ADGRL2: variants seen among roughly 807,000 people sequenced by gnomAD.
ADGRL2 encodes calcium-independent alpha-latrotoxin receptor 2.
ADGRL2 carries 44 observed loss-of-function variants against 157.4 expected under a neutral mutation model. The ratio of observed to expected loss-of-function variants is 0.28; its 90% CI spans 0.22 to 0.36. ADGRL2 has a LOEUF of 0.36. Ranked by LOEUF, ADGRL2 falls within the 10% of genes least tolerant of loss-of-function variation. ADGRL2 has a pLI of 1.00. For synonymous variants in ADGRL2, 585 were observed against 624.7 expected, an observed-to-expected ratio of 0.94 and a Z score of 0.95; for missense variants, 1,510 against 1,768.9, an observed-to-expected ratio of 0.85 and a Z score of 2.63.
upstream of ADGRL2, among the ~76,000 whole-genome samples, chr1:81,696,701 A>G (rs567167144): frequency 4.3e-4 from 65 of 152,206 alleles, no homozygotes; most frequent in East Asian, 2.7e-3. Context: ...GCAGTGAGCC[A>G]AGATCACACC....
chr1:81,516,963 C>T (rs764343028), intron 2 of ADGRL2, among the ~76,000 whole-genome samples: 2 of 151,986 alleles, frequency 1.3e-5, no homozygotes, highest in Non-Finnish European at 2.9e-5. Context: ...ATAGTAAATA[C>T]TTTAGCTTTT....
At chr1:81,479,057 T>C (rs751457048) in intron 2 of ADGRL2, among the ~76,000 whole-genome samples, 2 of 152,210 alleles carry the variant, frequency 1.3e-5, no homozygotes, top group Non-Finnish European at 2.9e-5. Context: ...ATATATTGTG[T>C]TTGAAAGTAT....
chr1:81,585,144 A>T (rs1293779676), intron 3 of ADGRL2, among the ~76,000 whole-genome samples: 1 of 152,172 alleles, frequency 6.6e-6, no homozygotes, highest in Admixed American at 6.6e-5. Flanking sequence ...CACTATTGTT[A>T]TTGCTACAAG....
At chr1:81,834,834 G>T (rs750823) in intron 1 of ADGRL2, among the ~76,000 whole-genome samples, 60,642 of 151,896 alleles carry the variant, frequency 0.4, 12,612 homozygotes, top group Middle Eastern at 0.6. Context: ...ATAATTGAAT[G>T]ATATGTATTT....
chr1:81,942,092 T>C (rs1648221888), intron 5 of ADGRL2, 47 bp downstream of exon 5: 1 of 730,164 alleles, frequency 1.4e-6, no homozygotes, highest in Non-Finnish European at 2.5e-6. Flanking sequence ...ATGTGCCTTA[T>C]GGATGTTAAC....
intron 1 of ADGRL2, among the ~76,000 whole-genome samples, chr1:81,385,172 T>C (rs952367800): frequency 5.9e-5 from 9 of 152,156 alleles, no homozygotes; most frequent in Non-Finnish European, 1.2e-4. Flanking sequence ...TTGTCTTTTA[T>C]TATACAGTCA....
intron 2 of ADGRL2, among the ~76,000 whole-genome samples, chr1:81,555,532 G>A (rs1444528209): frequency 6.6e-6 from 1 of 152,044 alleles, no homozygotes; most frequent in African/African-American, 2.4e-5. Flanking sequence ...GCCTCCCAAA[G>A]TGCTGGGATT....
Position 81,557,192 on chromosome 1 carries a change from G to A in ADGRL2, c.-247-23684G>A, listed in dbSNP as rs371397165. 5 of 178,360 alleles carry A rather than the reference G, an allele frequency of 2.8e-5. No individual in the cohort carries two copies. The East Asian group carries it at 7.2e-4, about 26-fold the overall frequency. The allele number at this position is 178,360 out of a possible 1,614,324, so 11.0% of individuals were successfully genotyped here. A position where few individuals can be genotyped will look rare whatever the true frequency, so the allele number is the denominator to read the frequency against. ...AGGCCAAGGAGTCCCGAGGGATACC[G>A]ATGCTGGCCGGCTTTTCAAGCTGAA... On this transcript the variant is annotated intron_variant, in intron 2 of 24. Transcript: ENST00000370721.
At chr1:81,552,778 A>C (rs998592605) in intron 2 of ADGRL2, among the ~76,000 whole-genome samples, 2 of 152,158 alleles carry the variant, frequency 1.3e-5, no homozygotes, top group African/African-American at 4.8e-5. Flanking sequence ...AATCTCAGAC[A>C]TGGTTTTCTT....
At chr1:81,359,508 C>T (rs2075937607) in intron 1 of ADGRL2, among the ~76,000 whole-genome samples, 1 of 152,004 alleles carries the variant, frequency 6.6e-6, no homozygotes, top group Admixed American at 6.6e-5. Context: ...CAACTTGGTA[C>T]TTACTTGGTA....
At position 81,770,185 on chromosome 1, in the gene ADGRL2, C is replaced by A. The variant is rs567034925; in HGVS notation, c.-101+8333C>A. The stretch of plus-strand genomic sequence containing the variant: ...TTTTTTTTTTTTTTTTTTTTTGAGA[C>A]CGAGTCTCACTCTATAGCCCAGGCT... On this transcript the variant is annotated intron_variant, in intron 2 of 20. Coordinates refer to the ADGRL2 transcript ENST00000359929. Among the ~76,000 whole-genome samples, 20 of 107,746 alleles carry A rather than the reference C, an allele frequency of 1.9e-4. 1 individual carries two copies. Among genetic ancestry groups the A allele is most frequent in the African/African-American group, 6.7e-4 (18 of 26,760 alleles). The allele number at this position is 107,746 out of a possible 152,430, so 70.7% of individuals were successfully genotyped here.
At chr1:81,329,831 G>A (rs958612046) in intron 1 of ADGRL2, among the ~76,000 whole-genome samples, 4 of 152,058 alleles carry the variant, frequency 2.6e-5, no homozygotes, top group Non-Finnish European at 4.4e-5. Context: ...ACTATAAAAT[G>A]TCCCTATTCT....
At chr1:81,323,568 T>A (rs1451437127) in intron 1 of ADGRL2, among the ~76,000 whole-genome samples, 1 of 152,108 alleles carries the variant, frequency 6.6e-6, no homozygotes, top group East Asian at 1.9e-4. Context: ...ATTGGTGTTT[T>A]ATCATTTTGT....
chr1:81,341,461 T>C (rs983510641), intron 1 of ADGRL2, among the ~76,000 whole-genome samples: 2 of 152,076 alleles, frequency 1.3e-5, no homozygotes, highest in African/African-American at 4.8e-5. Context: ...TTTTTTTTGT[T>C]TTTTTATGTA....
rs1381362955 is a variant in ADGRL2 at position 81,992,502 on chromosome 1, T to C, written c.*1357T>C. ...CATTCCCACCTTGGTTTAAGTAACGTCATACCAAAGTCCATGGATATATGA... is the reference window on the plus strand; with the variant it reads ...CATTCCCACCTTGGTTTAAGTAACGCCATACCAAAGTCCATGGATATATGA... On this transcript the variant is annotated 3_prime_UTR_variant, in exon 24 of 24. Coordinates refer to ENST00000686636, the MANE Select transcript of ADGRL2 (RefSeq NM_001366006.2). The C allele has an allele frequency of 2.0e-5, 3 of 152,556 alleles. No homozygotes were observed. Among genetic ancestry groups the C allele is most frequent in the Non-Finnish European group, 4.4e-5 (3 of 68,040 alleles). The allele number at this position is 152,556 out of a possible 1,614,324, so 9.5% of individuals were successfully genotyped here. A position where few individuals can be genotyped will look rare whatever the true frequency, so the allele number is the denominator to read the frequency against.
chr1:81,315,810 T>C (rs1433540405), intron 1 of ADGRL2, among the ~76,000 whole-genome samples: 1 of 152,074 alleles, frequency 6.6e-6, no homozygotes, highest in Non-Finnish European at 1.5e-5. Flanking sequence ...AATATGTCTG[T>C]CTGAAAGTAA....
intron 1 of ADGRL2, among the ~76,000 whole-genome samples, chr1:81,368,443 G>A (rs901947579): frequency 6.6e-6 from 1 of 152,116 alleles, no homozygotes; most frequent in East Asian, 1.9e-4. Context: ...AAAAGTGTTA[G>A]CTATCTCTAC....
At chr1:81,309,796 C>CCT (rs1659615470) in intron 1 of ADGRL2, among the ~76,000 whole-genome samples, 2 of 152,064 alleles carry the variant, frequency 1.3e-5, no homozygotes, top group African/African-American at 4.8e-5. Flanking sequence ...GCCACCACTC[C>CCT]CCACCTTGTT....
At chr1:81,973,011 T>G (rs1659199985) in intron 17 of ADGRL2, among the ~76,000 whole-genome samples, 1 of 152,128 alleles carries the variant, frequency 6.6e-6, no homozygotes, top group African/African-American at 2.4e-5. Flanking sequence ...TTAAGAAGTT[T>G]TTCTTACTTT....
Sources: gnomAD v4.1 joint callset for allele counts (sites outside exome capture counted in the v4.1 genomes callset) on GRCh38, gnomAD v4.1.1 for gene constraint, MANE v1.5 for transcripts, NCBI Gene and HGNC (gene_info 2026-07-23, HGNC 2026-07-21) for gene names.